Variants in ZNF385B observed in about 807,000 individuals in gnomAD.
ZNF385B encodes zinc finger protein 533.
Under a neutral mutation model 39.2 loss-of-function variants are expected in ZNF385B, and 23 were observed. That is an observed-to-expected ratio of 0.59 (90% confidence interval 0.42 to 0.83). The LOEUF (loss-of-function observed/expected upper bound fraction) is 0.83, where lower values mean the gene tolerates loss of function less well. Ranked by LOEUF, ZNF385B falls within the 40% of genes least tolerant of loss-of-function variation. The pLI is 0.00. For missense variants in ZNF385B, 552 were observed against 598.9 expected (o/e 0.92, Z 0.82); for synonymous variants, 205 against 222.6 (o/e 0.92, Z 0.70).
intron 1 of ZNF385B, among the ~76,000 whole-genome samples, chr2:179,773,922 T>C (rs1704156469): frequency 6.6e-6 from 1 of 152,190 alleles, no homozygotes; most frequent in Non-Finnish European, 1.5e-5. Flanking sequence ...AGGCACTTAA[T>C]AAATGTTGGC....
At chr2:179,817,679 G>A (rs1166562108) in intron 1 of ZNF385B, among the ~76,000 whole-genome samples, 1 of 151,870 alleles carries the variant, frequency 6.6e-6, no homozygotes, top group Admixed American at 6.6e-5. Flanking sequence ...GTGTGTGTGT[G>A]TGTGTGTGTG....
chr2:179,564,013 T>C (rs937008090), intron 3 of ZNF385B, among the ~76,000 whole-genome samples: 4 of 152,202 alleles, frequency 2.6e-5, no homozygotes, highest in Admixed American at 1.3e-4. Context: ...AGCTCTTTAT[T>C]TGTACGTCTC....
chr2:179,648,479 TGTTTGTGTATGTGCATGCACATATATAC>T (rs2106240671), intron 3 of ZNF385B, among the ~76,000 whole-genome samples: 1 of 152,170 alleles, frequency 6.6e-6, no homozygotes, highest in African/African-American at 2.4e-5. Context: ...CATGTGCACA[TGTTTGTGTATGTGCATGCACATATATAC>T]GTTTGCTCCG....
intron 5 of ZNF385B, among the ~76,000 whole-genome samples, chr2:179,489,915 A>G (rs17747577): frequency 0.3 from 45,090 of 152,180 alleles, 7,228 homozygotes; most frequent in Non-Finnish European, 0.36. Context: ...TTAAAAAGGT[A>G]TAATGTCTTT....
At chr2:179,761,584 A>T (rs866011576) in intron 3 of ZNF385B, among the ~76,000 whole-genome samples, 160 of 145,806 alleles carry the variant, frequency 1.1e-3, no homozygotes, top group African/African-American at 3.9e-3. Flanking sequence ...TATGCAATTG[A>T]TTTTTTTTTT....
intron 3 of ZNF385B, among the ~76,000 whole-genome samples, chr2:179,607,108 A>C (rs1352182938): frequency 6.6e-6 from 1 of 152,138 alleles, no homozygotes; most frequent in African/African-American, 2.4e-5. Flanking sequence ...ATCAAAATAG[A>C]CGTGTGCAGG....
intron 3 of ZNF385B, among the ~76,000 whole-genome samples, chr2:179,661,648 T>G (rs12477618): frequency 0.2 from 30,316 of 152,190 alleles, 3,941 homozygotes; most frequent in African/African-American, 0.37. Context: ...ATGAGGATAA[T>G]ATCCATTATA....
intron 6 of ZNF385B, among the ~76,000 whole-genome samples, chr2:179,452,242 C>A (rs547507163): frequency 6.6e-6 from 1 of 152,180 alleles, no homozygotes; most frequent in African/African-American, 2.4e-5. Context: ...AAACTCTTTT[C>A]TTTGATACTC....
At chr2:179,720,425 A>G (rs1700610127) in intron 3 of ZNF385B, among the ~76,000 whole-genome samples, 1 of 117,590 alleles carries the variant, frequency 8.5e-6, no homozygotes, top group East Asian at 3.1e-4. Flanking sequence ...GGGGAGGGGA[A>G]AGGAAAGGAG....
intron 6 of ZNF385B, among the ~76,000 whole-genome samples, chr2:179,455,095 A>T (rs147913089): frequency 6.6e-6 from 1 of 152,282 alleles, no homozygotes. Context: ...TACAAGTTCC[A>T]TTCATGGTAA....
chr2:179,695,195 T>G (rs1057243451), intron 3 of ZNF385B, among the ~76,000 whole-genome samples: 5 of 152,304 alleles, frequency 3.3e-5, no homozygotes, highest in African/African-American at 1.2e-4. Context: ...TCATCATAGA[T>G]CAGGGAGTTT....
chr2:179,727,271 T>C (rs1013726112), intron 3 of ZNF385B, among the ~76,000 whole-genome samples: 13 of 152,072 alleles, frequency 8.5e-5, no homozygotes, highest in African/African-American at 3.1e-4. Flanking sequence ...ATCCCACTTT[T>C]GGAAATCCAT....
At position 179,443,488 on chromosome 2, in the gene ZNF385B, A is replaced by G. The variant is rs1449552666; in HGVS notation, c.1243-20T>C. On this transcript the variant is annotated intron_variant, in intron 9 of 9. Transcript: ENST00000410066. ...TTTTGCCTAAGGGAGGGAGAAAACC[A>G]GGAATGGGGTGGAGATCCTGTTTTT... 1 of 1,562,006 alleles carries G rather than the reference A, an allele frequency of 6.4e-7. No individual in the cohort carries two copies. Among genetic ancestry groups the G allele is most frequent in the Non-Finnish European group, 8.7e-7 (1 of 1,149,050 alleles).
At chr2:179,659,442 A>G (rs530224548) in intron 3 of ZNF385B, among the ~76,000 whole-genome samples, 2 of 152,264 alleles carry the variant, frequency 1.3e-5, no homozygotes, top group Admixed American at 1.3e-4. Context: ...ATAAAATGAG[A>G]AAGCTTCCTA....
intron 1 of ZNF385B, among the ~76,000 whole-genome samples, chr2:179,851,821 AAC>A (rs1684185394): frequency 6.6e-6 from 1 of 152,226 alleles, no homozygotes; most frequent in South Asian, 2.1e-4. Context: ...ATACACAGTA[AAC>A]AGTTTTTCTT....
intron 3 of ZNF385B, among the ~76,000 whole-genome samples, chr2:179,656,007 G>GT (rs1392991959): frequency 1.3e-5 from 2 of 152,070 alleles, no homozygotes; most frequent in African/African-American, 4.8e-5. Context: ...ATTTTATTCT[G>GT]TTTTTTATTT....
At chr2:179,724,266 G>T (rs767266039) in intron 3 of ZNF385B, among the ~76,000 whole-genome samples, 1 of 152,002 alleles carries the variant, frequency 6.6e-6, no homozygotes, top group South Asian at 2.1e-4. Context: ...CCAAGATTGC[G>T]CCACTGCACT....
intron 5 of ZNF385B, among the ~76,000 whole-genome samples, chr2:179,505,518 TC>T (rs2057175937): frequency 6.6e-6 from 1 of 152,062 alleles, no homozygotes; most frequent in African/African-American, 2.4e-5. Flanking sequence ...TTCATAGCTG[TC>T]CCTCATATTA....
intron 3 of ZNF385B, among the ~76,000 whole-genome samples, chr2:179,764,070 T>C (rs62180386): frequency 0.049 from 7,426 of 152,292 alleles, 258 homozygotes; most frequent in Middle Eastern, 0.096. Flanking sequence ...CCAACTGCAA[T>C]TGTAAATTTA....
Sources: allele counts gnomAD v4.1 joint callset (sites outside exome capture counted in the v4.1 genomes callset), GRCh38; gene constraint gnomAD v4.1.1; transcripts MANE v1.5; gene names NCBI Gene and HGNC (gene_info 2026-07-23, HGNC 2026-07-21).